The following MORC3 variants were observed in gnomAD, a reference collection of about 807,000 sequenced individuals.
MORC3 encodes the protein MORC family CW-type zinc finger 3, also known as MORC family CW-type zinc finger protein 3.
Under a neutral mutation model 109.1 loss-of-function variants are expected in MORC3, and 31 were observed. The ratio of observed to expected loss-of-function variants is 0.28; its 90% CI spans 0.21 to 0.38. The LOEUF (loss-of-function observed/expected upper bound fraction) is 0.38, where lower values mean the gene tolerates loss of function less well. Among genes scored for constraint, MORC3 ranks in the 10% least tolerant of loss-of-function variants. MORC3 has a pLI of 1.00. For missense variants in MORC3, 867 were observed against 1,135.8 expected (o/e 0.76, Z 3.40); for synonymous variants, 395 against 380.7 (o/e 1.04, Z -0.44).
chr21:36,341,521 C>T lies in MORC3; in HGVS notation c.731C>T (p.Ala244Val), dbSNP rs2085445483. ...AAGCAGGAAAGGATGGACCAGATTG[C>T]CCCTGAGAGTGACTATTCCCTGAGG... is the stretch of plus-strand genomic sequence containing the variant. Reference protein sequence around the residue: ...YKKQERMDQIAPESDYSLRAY... With the variant: ...YKKQERMDQIVPESDYSLRAY... The change falls in exon 6 of 17, where the codon GCC becomes GTC. Residue 244 changes from alanine to valine, a missense_variant. Ala to Val is a moderately conservative substitution (Grantham distance 64). This residue lies in a region of MORC3 where 134 missense variants were observed against 166.6 expected (regional missense o/e 0.80). Coordinates refer to ENST00000400485, the MANE Select transcript of MORC3 (RefSeq NM_015358.3). 1.2e-6 allele frequency: 2 copies of T among 1,613,666 alleles called. No individual in the cohort carries two copies. The highest frequency in any genetic ancestry group is 4.5e-5 in the East Asian group (2 of 44,876).
chr21:36,354,844 C>A (rs955947351), intron 9 of MORC3, among the ~76,000 whole-genome samples: 4 of 152,222 alleles, frequency 2.6e-5, no homozygotes, highest in Admixed American at 2.6e-4. Context: ...ATCAAGTAGG[C>A]TTCAGTTGAT....
chr21:36,356,093 A>G (rs1008912464), intron 9 of MORC3, among the ~76,000 whole-genome samples: 2 of 152,174 alleles, frequency 1.3e-5, no homozygotes, highest in African/African-American at 4.8e-5. Flanking sequence ...CAAAATAGCA[A>G]CAGGAGGTGG....
chr21:36,346,827 A>G (rs888850051), intron 8 of MORC3, among the ~76,000 whole-genome samples: 5 of 151,720 alleles, frequency 3.3e-5, no homozygotes, highest in Non-Finnish European at 5.9e-5. Flanking sequence ...AAACAAACAA[A>G]AATCGTCTCT....
intron 1 of MORC3, among the ~76,000 whole-genome samples, chr21:36,328,623 G>A (rs1013777999): frequency 2.0e-5 from 3 of 152,068 alleles, no homozygotes; most frequent in Non-Finnish European, 4.4e-5. Flanking sequence ...TTACAGGCAT[G>A]AGCCACCGCG....
chr21:36,363,807 CTT>C (rs969310447), intron 13 of MORC3, among the ~76,000 whole-genome samples: 2 of 152,178 alleles, frequency 1.3e-5, no homozygotes, highest in African/African-American at 4.8e-5. Flanking sequence ...CATGGTAAAT[CTT>C]TTTGGCTTTG....
intron 9 of MORC3, among the ~76,000 whole-genome samples, chr21:36,354,290 AT>A (rs1388042235): frequency 7.3e-6 from 1 of 136,636 alleles, no homozygotes; most frequent in Admixed American, 7.2e-5. Flanking sequence ...TGTCTGACTT[AT>A]TTCCATTTTT....
intron 16 of MORC3, among the ~76,000 whole-genome samples, chr21:36,372,907 T>C (rs2085886141): frequency 6.6e-6 from 1 of 152,236 alleles, no homozygotes; most frequent in South Asian, 2.1e-4. Flanking sequence ...CCTGTTTTTC[T>C]TTTATTGTCG....
chr21:36,363,720 C>G (rs2146333186), intron 13 of MORC3, among the ~76,000 whole-genome samples: 1 of 152,340 alleles, frequency 6.6e-6, no homozygotes, highest in Non-Finnish European at 1.5e-5. Flanking sequence ...CAGGGGCCAT[C>G]TGAATGCAAG....
Position 36,375,382 on chromosome 21 carries a change from T to C in MORC3, c.*86T>C, listed in dbSNP as rs1040518792. Reference sequence around the variant, plus strand: ...TATAATTAATTTTGTTTTATAGATATGATAGGCAACAGACTGAAAACCATA... The same window carrying C: ...TATAATTAATTTTGTTTTATAGATACGATAGGCAACAGACTGAAAACCATA... On this transcript the variant is annotated 3_prime_UTR_variant, in exon 17 of 17. Coordinates refer to ENST00000400485, the MANE Select transcript of MORC3 (RefSeq NM_015358.3). The C allele has an allele frequency of 6.4e-5, 80 of 1,248,742 alleles. 2 individuals are homozygous for C. In the South Asian group the frequency reaches 7.9e-4, roughly 12 times the overall value. The allele number at this position is 1,248,742 out of a possible 1,614,324, so 77.4% of individuals were successfully genotyped here.
chr21:36,330,790 A>G (rs1195549504), intron 1 of MORC3, among the ~76,000 whole-genome samples: 2 of 152,252 alleles, frequency 1.3e-5, no homozygotes, highest in Admixed American at 6.5e-5. Flanking sequence ...AAGGTGGGAC[A>G]GGAAAGTTTT....
At chr21:36,362,716 G>A (rs1242998821) in intron 13 of MORC3, among the ~76,000 whole-genome samples, 1 of 151,966 alleles carries the variant, frequency 6.6e-6, no homozygotes, top group Non-Finnish European at 1.5e-5. Context: ...ATTGTGTAGT[G>A]CTTAGTTTAA....
At chr21:36,346,061 C>T (rs113521620) in intron 8 of MORC3, among the ~76,000 whole-genome samples, 13,825 of 152,048 alleles carry the variant, frequency 0.091, 1,983 homozygotes, top group African/African-American at 0.31. Context: ...CACTCTGTCA[C>T]CCAGGCTGGA....
rs1290971156 is a variant in MORC3, at chr21:36,369,523, A to G, written c.2155A>G (p.Met719Val). The change falls in exon 15 of 17, where the codon ATG becomes GTG. Residue 719 changes from methionine to valine, a missense_variant. Met to Val is a conservative substitution (Grantham distance 21). Coordinates refer to ENST00000400485, the MANE Select transcript of MORC3 (RefSeq NM_015358.3). Reference protein sequence around the residue: ...EKENYKRQCHMFTDQIKVLQQ... With the variant: ...EKENYKRQCHVFTDQIKVLQQ... Reference sequence around the variant, plus strand: ...AGAGAATTATAAAAGACAGTGTCATATGTTTACTGATCAAATCAAAGTGTT... The same window carrying G: ...AGAGAATTATAAAAGACAGTGTCATGTGTTTACTGATCAAATCAAAGTGTT... The G allele has an allele frequency of 6.2e-7, 1 of 1,614,214 alleles. No individual in the cohort carries two copies. Among genetic ancestry groups the G allele is most frequent in the Admixed American group, 1.7e-5 (1 of 60,018 alleles).
intron 15 of MORC3, among the ~76,000 whole-genome samples, chr21:36,370,263 T>G (rs909842492): frequency 3.9e-5 from 6 of 152,116 alleles, no homozygotes; most frequent in African/African-American, 7.2e-5. Flanking sequence ...ATAATTCTGT[T>G]CTTATTGAGT....
Position 36,369,730 on chromosome 21 carries a change from A to C in MORC3, c.2362A>C (p.Ser788Arg). Reference protein sequence around the residue: ...EEIERLKKQCSALQHVKAECS... With the variant: ...EEIERLKKQCRALQHVKAECS... The stretch of plus-strand genomic sequence containing the variant: ...AATAGAAAGGCTGAAAAAACAATGT[A>C]GTGCTTTGCAACATGTAAAGGCTGA... Residue 788 changes from serine to arginine, a missense_variant, in exon 15 of 17, where the codon AGT becomes CGT. Physicochemically the swap from Ser to Arg is moderately radical, Grantham distance 110 (BLOSUM62 -1). Around this residue, in one of 7 missense-constraint regions of MORC3, gnomAD observed 486 missense variants for 502.1 expected, o/e 0.97. Transcript: ENST00000400485. 1 of 1,614,232 alleles carries C rather than the reference A, an allele frequency of 6.2e-7. No individual in the cohort carries two copies. The highest frequency in any genetic ancestry group is 8.5e-7 in the Non-Finnish European group (1 of 1,180,042).
intron 16 of MORC3, among the ~76,000 whole-genome samples, chr21:36,374,663 T>C (rs1019137431): frequency 1.3e-5 from 2 of 152,042 alleles, no homozygotes; most frequent in East Asian, 1.9e-4. Flanking sequence ...GGCATGGTGG[T>C]GTGGGCCTGT....
chr21:36,344,359 T>C (rs2085485059), intron 6 of MORC3, among the ~76,000 whole-genome samples: 1 of 152,230 alleles, frequency 6.6e-6, no homozygotes, highest in African/African-American at 2.4e-5. Flanking sequence ...TATAGATCAG[T>C]TGATTGTATT....
At chr21:36,326,162 G>A (rs370714977) in intron 1 of MORC3, among the ~76,000 whole-genome samples, 1 of 151,652 alleles carries the variant, frequency 6.6e-6, no homozygotes, top group Admixed American at 6.6e-5. Flanking sequence ...AGCTGAGATC[G>A]CGCCATTGCA....
chr21:36,324,499 G>C lies in MORC3; in HGVS notation c.39+4196G>C, dbSNP rs556858684. Among the ~76,000 whole-genome samples the C allele has an allele frequency of 4.7e-4, 71 of 150,702 alleles. No individual in the cohort carries two copies. The East Asian group carries it at 0.012, about 26-fold the overall frequency. On this transcript the variant is annotated intron_variant, in intron 1 of 16. Transcript: ENST00000400485. ...TCACCGTGTTAGCCAGGATGGTCTT[G>C]ATCTCCTGACCTCGTGATCTGCCTG...
Sources: gnomAD v4.1 joint callset for allele counts (sites outside exome capture counted in the v4.1 genomes callset) on GRCh38, gnomAD v4.1.1 for gene constraint, gnomAD v4.1.1 regional missense constraint, MANE v1.5 for transcripts, NCBI Gene and HGNC (gene_info 2026-07-23, HGNC 2026-07-21) for gene names.